Variants in GLI3 observed in about 807,000 individuals in gnomAD.
GLI3 encodes transcription activator GLI3.
Under a neutral mutation model 100.8 loss-of-function variants are expected in GLI3, and 20 were observed. That is an observed-to-expected ratio of 0.20 (90% CI 0.14 to 0.29). The LOEUF is 0.29. Among genes scored for constraint, GLI3 ranks in the 10% least tolerant of loss-of-function variants. GLI3 has a pLI of 1.00. For synonymous variants in GLI3, 938 were observed against 860.5 expected (o/e 1.09, Z -1.58); for missense variants, 2,040 against 2,128.5 (o/e 0.96, Z 0.82).
chr7:42,129,234 T>G (rs846386), intron 3 of GLI3, among the ~76,000 whole-genome samples: 35,223 of 152,186 alleles, frequency 0.23, 4,373 homozygotes, highest in Admixed American at 0.35. Flanking sequence ...CCACTGTATA[T>G]ATGAGAAAAT....
rs184699636 is a variant in GLI3, at chr7:42,199,316, G to A, written c.124+23814C>T. 2.0e-5 allele frequency among the ~76,000 whole-genome samples: 3 copies of A among 152,256 alleles called. No homozygotes were observed. In the East Asian group the frequency reaches 5.8e-4, roughly 29 times the overall value. On this transcript the variant is annotated intron_variant, in intron 2 of 14. Transcript: ENST00000395925. ...TTGATCCACAGACATTAGTATGCAAGGTAAATAACAGGCATCAGGCAAGAT... is the reference window on the plus strand; with the variant it reads ...TTGATCCACAGACATTAGTATGCAAAGTAAATAACAGGCATCAGGCAAGAT...
intron 5 of GLI3, among the ~76,000 whole-genome samples, chr7:42,046,643 C>T (rs1784251393): frequency 6.6e-6 from 1 of 152,158 alleles, no homozygotes; most frequent in African/African-American, 2.4e-5. Flanking sequence ...AGTAGTTTAA[C>T]TCGTGGTATG....
At chr7:42,040,809 T>C (rs1002862902) in intron 6 of GLI3, among the ~76,000 whole-genome samples, 9 of 152,222 alleles carry the variant, frequency 5.9e-5, no homozygotes, top group African/African-American at 1.7e-4. Flanking sequence ...GAATCAGTGC[T>C]TCTCAACTGA....
rs537906078 is a variant in GLI3 at position 42,050,983 on chromosome 7, C to A, written c.474-2287G>T. ...AAGAAAGCCTAGGAAGCTGTTTTCTCCTCACAAAAGTCTATCAAGTCTGAT... is the reference window on the plus strand; with the variant it reads ...AAGAAAGCCTAGGAAGCTGTTTTCTACTCACAAAAGTCTATCAAGTCTGAT... On this transcript the variant is annotated intron_variant, in intron 4 of 14. Coordinates refer to ENST00000395925, the MANE Select transcript of GLI3 (RefSeq NM_000168.6). Among the ~76,000 whole-genome samples the A allele has an allele frequency of 1.1e-4, 17 of 152,244 alleles. No individual in the cohort carries two copies. In the South Asian group the frequency reaches 1.9e-3, roughly 17 times the overall value.
chr7:42,094,005 C>G (rs1438887664), intron 3 of GLI3, among the ~76,000 whole-genome samples: 1 of 151,874 alleles, frequency 6.6e-6, no homozygotes, highest in East Asian at 1.9e-4. Flanking sequence ...ACTAAGGAAA[C>G]AGAGAGGAAG....
intron 1 of GLI3, chr7:42,227,665 G>A (rs963914511): frequency 2.6e-5 from 4 of 152,132 alleles, no homozygotes; most frequent in Admixed American, 2.0e-4. Flanking sequence ...TGACGCTGTA[G>A]TGCACGTCTG....
chr7:42,196,749 T>A (rs1787935102), intron 2 of GLI3, among the ~76,000 whole-genome samples: 1 of 152,066 alleles, frequency 6.6e-6, no homozygotes, highest in Admixed American at 6.5e-5. Context: ...CATGTCTCAC[T>A]TGAGATGTTA....
chr7:42,263,148 C>T (rs1264339023), intron 1 of GLI3, among the ~76,000 whole-genome samples: 1 of 152,192 alleles, frequency 6.6e-6, no homozygotes, highest in African/African-American at 2.4e-5. Flanking sequence ...GCAGATCCAG[C>T]ATAGCTGGTC....
intron 3 of GLI3, among the ~76,000 whole-genome samples, chr7:42,102,298 A>C (rs933548295): frequency 6.6e-5 from 10 of 152,176 alleles, no homozygotes; most frequent in African/African-American, 1.9e-4. Context: ...CAAGACAGCC[A>C]GGGTACCTGG....
At chr7:42,091,483 A>G (rs1409957783) in intron 3 of GLI3, among the ~76,000 whole-genome samples, 1 of 152,210 alleles carries the variant, frequency 6.6e-6, no homozygotes, top group African/African-American at 2.4e-5. Context: ...CGGGCCAGAC[A>G]TCAACCCCAC....
chr7:42,259,275 T>A (rs1789115623), intron 1 of GLI3, among the ~76,000 whole-genome samples: 2 of 152,228 alleles, frequency 1.3e-5, no homozygotes, highest in Non-Finnish European at 2.9e-5. Context: ...TTCATGAGCC[T>A]GTCAACCATA....
At chr7:42,053,456 G>C (rs113505429) in intron 4 of GLI3, among the ~76,000 whole-genome samples, 37 of 152,310 alleles carry the variant, frequency 2.4e-4, no homozygotes, top group African/African-American at 7.9e-4. Flanking sequence ...GGGAGGTATG[G>C]AGAAGGCGGC....
intron 2 of GLI3, among the ~76,000 whole-genome samples, chr7:42,213,092 G>C (rs545632794): frequency 2.8e-4 from 42 of 152,312 alleles, no homozygotes; most frequent in African/African-American, 8.4e-4. Context: ...GTCACCATGT[G>C]GGGAGGGAAA....
intron 4 of GLI3, among the ~76,000 whole-genome samples, chr7:42,050,119 TATG>T (rs778684213): frequency 6.6e-5 from 10 of 152,066 alleles, no homozygotes; most frequent in Admixed American, 5.2e-4. Context: ...GAAGTTGAAA[TATG>T]GTGGTGGGGG....
At chr7:42,022,633 A>T (rs1285631049) in intron 10 of GLI3, among the ~76,000 whole-genome samples, 1 of 152,194 alleles carries the variant, frequency 6.6e-6, no homozygotes, top group African/African-American at 2.4e-5. Flanking sequence ...TAGCACCTGC[A>T]TCTTTTTATT....
At chr7:42,246,495 T>G (rs1413014976) in intron 1 of GLI3, among the ~76,000 whole-genome samples, 1 of 152,238 alleles carries the variant, frequency 6.6e-6, no homozygotes, top group Non-Finnish European at 1.5e-5. Context: ...TTGTATGCTT[T>G]CTTTCTACTA....
chr7:42,257,079 T>C (rs1048368324), intron 1 of GLI3, among the ~76,000 whole-genome samples: 1 of 152,158 alleles, frequency 6.6e-6, no homozygotes, highest in Non-Finnish European at 1.5e-5. Flanking sequence ...GATTTTTCTT[T>C]GCTAGTAAGT....
chr7:42,238,025 TCTCCTCCTC>T (rs936105925), upstream of GLI3, among the ~76,000 whole-genome samples: 6 of 108,928 alleles, frequency 5.5e-5, no homozygotes, highest in African/African-American at 1.9e-4. Context: ...TCCTCCTCCT[TCTCCTCCTC>T]CTCCTCCTCC....
chr7:42,164,734 G>T (rs749471169), intron 2 of GLI3, among the ~76,000 whole-genome samples: 1 of 151,790 alleles, frequency 6.6e-6, no homozygotes, highest in South Asian at 2.1e-4. Flanking sequence ...GGAGGCTGAG[G>T]CAGGAGAATG....
Sources: gnomAD v4.1 joint callset for allele counts (sites outside exome capture counted in the v4.1 genomes callset) on GRCh38, gnomAD v4.1.1 for gene constraint, MANE v1.5 for transcripts, NCBI Gene and HGNC (gene_info 2026-07-23, HGNC 2026-07-21) for gene names.